GSE1: variants seen among roughly 807,000 people sequenced by gnomAD.
GSE1 encodes genetic suppressor element 1.
In GSE1, 32 loss-of-function variants were observed where a neutral mutation model predicts 112.6. That is an observed-to-expected ratio of 0.28 (90% CI 0.21 to 0.38). The LOEUF (loss-of-function observed/expected upper bound fraction) is 0.38, where lower values mean the gene tolerates loss of function less well. Ranked by LOEUF, GSE1 falls within the 10% of genes least tolerant of loss-of-function variation. GSE1 has a pLI of 1.00. For missense variants in GSE1, 2,348 were observed against 1,699.2 expected, an observed-to-expected ratio of 1.38 and a Z score of -6.71; for synonymous variants, 1,115 against 735.6, an observed-to-expected ratio of 1.52 and a Z score of -8.35.
intron 2 of GSE1, among the ~76,000 whole-genome samples, chr16:85,489,108 G>T (rs1470419120): frequency 6.6e-6 from 1 of 152,122 alleles, no homozygotes; most frequent in Non-Finnish European, 1.5e-5. Context: ...TGCTACCAAT[G>T]AGCTACCCAC....
At chr16:85,195,412 A>C (rs1286906048) in intron 1 of GSE1, among the ~76,000 whole-genome samples, 1 of 152,184 alleles carries the variant, frequency 6.6e-6, no homozygotes, top group Non-Finnish European at 1.5e-5. Flanking sequence ...GGCAGCTGTC[A>C]AAGGAGAGTT....
intron 2 of GSE1, among the ~76,000 whole-genome samples, chr16:85,496,903 G>GTTTTT (rs11421073): frequency 1.4e-5 from 2 of 147,074 alleles, no homozygotes; most frequent in Non-Finnish European, 3.0e-5. Context: ...GGTCTTTGTT[G>GTTTTT]TTTTTTTTTT....
chr16:85,480,902 C>T (rs939527412), intron 2 of GSE1, among the ~76,000 whole-genome samples: 7 of 152,350 alleles, frequency 4.6e-5, no homozygotes, highest in East Asian at 3.9e-4. Flanking sequence ...CTGGGCTCCA[C>T]GCTGAGCAAG....
chr16:85,221,655 G>T (rs956601484), intron 1 of GSE1, among the ~76,000 whole-genome samples: 1 of 152,184 alleles, frequency 6.6e-6, no homozygotes, highest in Non-Finnish European at 1.5e-5. Context: ...CGCCTGAATG[G>T]TCTCGGCCCC....
At chr16:85,291,157 T>G (rs192376343) in intron 1 of GSE1, among the ~76,000 whole-genome samples, 3 of 152,126 alleles carry the variant, frequency 2.0e-5, no homozygotes, top group Non-Finnish European at 4.4e-5. Context: ...AACTGAGGCA[T>G]GTAGTGGGTA....
intron 1 of GSE1, among the ~76,000 whole-genome samples, chr16:85,589,234 C>A (rs954729074): frequency 6.6e-6 from 1 of 152,166 alleles, no homozygotes; most frequent in Admixed American, 6.5e-5. Context: ...GCATGGGAGA[C>A]CCAGGATGCC....
intron 2 of GSE1, among the ~76,000 whole-genome samples, chr16:85,648,181 G>C (rs2051040225): frequency 6.6e-6 from 1 of 152,070 alleles, no homozygotes; most frequent in South Asian, 2.1e-4. Context: ...GTCTGTCCCG[G>C]AAGGTGCTAC....
chr16:85,629,984 C>T (rs1401632842), intron 1 of GSE1, among the ~76,000 whole-genome samples: 1 of 152,170 alleles, frequency 6.6e-6, no homozygotes, highest in South Asian at 2.1e-4. Flanking sequence ...GGTTCTGGCT[C>T]AGGGTCTGTG....
chr16:85,554,335 C>G (rs1393916510), upstream of GSE1, among the ~76,000 whole-genome samples: 1 of 152,134 alleles, frequency 6.6e-6, no homozygotes, highest in Non-Finnish European at 1.5e-5. Flanking sequence ...AGGAGAGATA[C>G]AGGCTCCACA....
At chr16:85,496,510 C>T (rs113369401) in intron 2 of GSE1, among the ~76,000 whole-genome samples, 3 of 152,316 alleles carry the variant, frequency 2.0e-5, no homozygotes, top group Admixed American at 6.5e-5. Context: ...GGCCTCGGTG[C>T]GGCGTGTCTG....
chr16:85,636,249 T>C (rs1348719270), intron 2 of GSE1, among the ~76,000 whole-genome samples: 1 of 152,186 alleles, frequency 6.6e-6, no homozygotes, highest in Admixed American at 6.5e-5. Flanking sequence ...GCAGTGCCAC[T>C]GCCTGAGCCA....
intron 1 of GSE1, among the ~76,000 whole-genome samples, chr16:85,583,932 C>G (rs899007320): frequency 6.6e-6 from 1 of 152,202 alleles, no homozygotes; most frequent in African/African-American, 2.4e-5. Context: ...CCAGTGAGTA[C>G]AAAACGCTGT....
chr16:85,382,558 G>A (rs1269172024), intron 2 of GSE1, among the ~76,000 whole-genome samples: 4 of 152,184 alleles, frequency 2.6e-5, no homozygotes, highest in Non-Finnish European at 5.9e-5. Context: ...TTGAAAGCAG[G>A]GGGTACCTGC....
At chr16:85,282,789 C>T (rs2044893932) in intron 1 of GSE1, among the ~76,000 whole-genome samples, 1 of 152,272 alleles carries the variant, frequency 6.6e-6, no homozygotes, top group South Asian at 2.1e-4. Flanking sequence ...GACAAATTTG[C>T]ATAATTCTGT....
intron 1 of GSE1, among the ~76,000 whole-genome samples, chr16:85,173,638 A>T (rs1275510150): frequency 1.3e-5 from 2 of 152,168 alleles, no homozygotes; most frequent in Non-Finnish European, 2.9e-5. Flanking sequence ...CCTCAAACAC[A>T]GGGTTTTGTG....
At chr16:85,436,080 C>A (rs1443120318) in intron 2 of GSE1, among the ~76,000 whole-genome samples, 1 of 152,110 alleles carries the variant, frequency 6.6e-6, no homozygotes, top group Non-Finnish European at 1.5e-5. Flanking sequence ...ATCATCGTAC[C>A]CCCCAACCTC....
rs529412970 is a variant in GSE1 at position 85,217,529 on chromosome 16, C to T, written c.2283+45722C>T. The stretch of plus-strand genomic sequence containing the variant: ...AGGGGGATCCCAGGCTCAGAGAGTG[C>T]GTGACTTTCCCAAAGCCACATGGGG... On this transcript the variant is annotated intron_variant, in intron 1 of 2. Transcript: ENST00000637419. Among the ~76,000 whole-genome samples, 6 of 152,314 alleles carry T rather than the reference C, an allele frequency of 3.9e-5. No homozygotes were observed. In the East Asian group the frequency reaches 9.6e-4, roughly 24 times the overall value.
chr16:85,572,451 ATACC>A (rs2046042205), intron 1 of GSE1, among the ~76,000 whole-genome samples: 2 of 113,954 alleles, frequency 1.8e-5, no homozygotes, highest in Non-Finnish European at 3.8e-5. Flanking sequence ...CACACAGCAC[ATACC>A]ACACACACAA....
At chr16:85,341,955 T>G (rs2046632552) in intron 1 of GSE1, among the ~76,000 whole-genome samples, 1 of 152,106 alleles carries the variant, frequency 6.6e-6, no homozygotes, top group South Asian at 2.1e-4. Context: ...GGACATACCC[T>G]CGGTCTCTCG....
Sources: gnomAD v4.1 joint callset for allele counts (sites outside exome capture counted in the v4.1 genomes callset) on GRCh38, gnomAD v4.1.1 for gene constraint, MANE v1.5 for transcripts, NCBI Gene and HGNC (gene_info 2026-07-23, HGNC 2026-07-21) for gene names.